Variants in TAFA5 observed in about 807,000 individuals in gnomAD.
TAFA5 encodes the protein chemokine-like protein TAFA-5.
In TAFA5, 6 loss-of-function variants were observed where a neutral mutation model predicts 15.3. That is an observed-to-expected ratio of 0.39 (90% confidence interval 0.21 to 0.77). TAFA5 has a LOEUF of 0.77. TAFA5 is among the 30% of genes least tolerant of loss of function. The pLI is 0.41. For synonymous variants in TAFA5, 103 were observed against 80.7 expected (o/e 1.28, Z -1.48); for missense variants, 161 against 193.1 (o/e 0.83, Z 0.98).
chr22:48,722,638 G>A (rs924578109), intron 3 of TAFA5, among the ~76,000 whole-genome samples: 2 of 152,028 alleles, frequency 1.3e-5, no homozygotes, highest in East Asian at 1.9e-4. Context: ...AAACCACCAC[G>A]GCACATGTAT....
chr22:48,750,917 C>T lies in TAFA5; in HGVS notation c.*1070C>T, dbSNP rs868670048. 2.4e-4 allele frequency: 37 copies of T among 152,436 alleles called. No individual in the cohort carries two copies. Among genetic ancestry groups the T allele is most frequent in the African/African-American group, 8.4e-4 (35 of 41,462 alleles). The allele number at this position is 152,436 out of a possible 1,614,324, so 9.4% of individuals were successfully genotyped here. ...GTCCCGGCCGTCCTGAGAGTCGGGC[C>T]GAGCCCCGTGTGTTTCTGAAGACTC... On this transcript the variant is annotated 3_prime_UTR_variant, in exon 4 of 4. Coordinates refer to ENST00000402357, the MANE Select transcript of TAFA5 (RefSeq NM_001082967.3).
chr22:48,532,544 TGGTGG>T (rs1181427645), intron 1 of TAFA5, among the ~76,000 whole-genome samples: 2 of 152,186 alleles, frequency 1.3e-5, no homozygotes, highest in Non-Finnish European at 2.9e-5. Flanking sequence ...GCACTGTCGC[TGGTGG>T]GGTTAGTGAG....
intron 1 of TAFA5, among the ~76,000 whole-genome samples, chr22:48,571,574 GTTTTTTTTTTTTTTTT>G (rs57578802): frequency 3.7e-3 from 107 of 29,242 alleles, no homozygotes; most frequent in African/African-American, 1.0e-2. Flanking sequence ...TGCCTGGCCT[GTTTTTTTTTTTTTTTT>G]TTTTTTTTTT....
intron 3 of TAFA5, among the ~76,000 whole-genome samples, chr22:48,735,910 GTCCATCCC>G (rs1569099064): frequency 6.0e-4 from 87 of 144,564 alleles, no homozygotes; most frequent in Non-Finnish European, 9.0e-4. Flanking sequence ...AGAGTCCAGA[GTCCATCCC>G]CCCAGGAGGA....
rs1338468836 is a variant in TAFA5 at position 48,751,552 on chromosome 22, GAAAATCCATTTATTT to G, written c.*1708_*1722del. The G allele has an allele frequency of 6.6e-6, 1 of 152,412 alleles. No individual in the cohort carries two copies. Among genetic ancestry groups the G allele is most frequent in the Non-Finnish European group, 1.5e-5 (1 of 68,040 alleles). The allele number at this position is 152,412 out of a possible 1,614,324, so 9.4% of individuals were successfully genotyped here. A position where few individuals can be genotyped will look rare whatever the true frequency, so the allele number is the denominator to read the frequency against. On this transcript the variant is annotated 3_prime_UTR_variant, in exon 4 of 4. Transcript: ENST00000402357. ...GCAACCATAGACTGAAGATACGAAA[GAAAATCCATTTATTT>G]AAGACCTGTTCCGGTATCCATGAGG...
chr22:48,656,061 G>C (rs5771684), intron 2 of TAFA5, among the ~76,000 whole-genome samples: 97,817 of 150,414 alleles, frequency 0.65, 32,520 homozygotes, highest in South Asian at 0.77. Flanking sequence ...CCAGGCTGGT[G>C]TTGAACTCCT....
intron 1 of TAFA5, among the ~76,000 whole-genome samples, chr22:48,531,564 T>C (rs1411781203): frequency 4.6e-5 from 7 of 152,160 alleles, no homozygotes; most frequent in Non-Finnish European, 1.5e-5. Flanking sequence ...GGCGTCAGGT[T>C]GGGGTAGCCG....
At chr22:48,637,296 G>T (rs910234073) in intron 1 of TAFA5, among the ~76,000 whole-genome samples, 2 of 151,484 alleles carry the variant, frequency 1.3e-5, no homozygotes, top group African/African-American at 2.4e-5. Context: ...CCTGTGAGGA[G>T]TGTGAGCTCA....
intron 1 of TAFA5, among the ~76,000 whole-genome samples, chr22:48,609,269 C>A (rs374523866): frequency 6.6e-6 from 1 of 152,208 alleles, no homozygotes; most frequent in Non-Finnish European, 1.5e-5. Flanking sequence ...ATCAAAGACA[C>A]GTTGGGGCAA....
At position 48,742,529 on chromosome 22, in the gene TAFA5, C is replaced by T. The variant is rs1036125086; in HGVS notation, c.391-7310C>T. ...CCCGGTGGCGTGGCAGACCAGGCGA[C>T]GTGGTGGACCCGGCCGCATGGTGGA... On this transcript the variant is annotated intron_variant, in intron 3 of 3. Transcript: ENST00000402357. The surrounding 1 kb of genome is among the most constrained non-coding windows in gnomAD (Gnocchi z 6.2). Among the ~76,000 whole-genome samples, 7 of 151,580 alleles carry T rather than the reference C, an allele frequency of 4.6e-5. No individual in the cohort carries two copies. The highest frequency in any genetic ancestry group is 1.3e-4 in the Admixed American group (2 of 15,230).
rs915939223 is a variant in TAFA5, at chr22:48,530,359, G to T, written c.112+40655G>T. On this transcript the variant is annotated intron_variant, in intron 1 of 3. Coordinates refer to ENST00000402357, the MANE Select transcript of TAFA5 (RefSeq NM_001082967.3). The surrounding 1 kb of genome is among the most constrained non-coding windows in gnomAD (Gnocchi z 6.0). Reference sequence around the variant, plus strand: ...TGAAGGAACCTCTGGAGGGCACAGGGGCCATCACCTGCTGGAGCCCAGAGA... The same window carrying T: ...TGAAGGAACCTCTGGAGGGCACAGGTGCCATCACCTGCTGGAGCCCAGAGA... Among the ~76,000 whole-genome samples the T allele has an allele frequency of 6.6e-6, 1 of 152,156 alleles. No individual in the cohort carries two copies. Among genetic ancestry groups the T allele is most frequent in the Non-Finnish European group, 1.5e-5 (1 of 68,024 alleles).
intron 1 of TAFA5, among the ~76,000 whole-genome samples, chr22:48,634,124 A>ACTCG (rs889672073): frequency 4.1e-4 from 54 of 131,164 alleles, no homozygotes; most frequent in Admixed American, 2.5e-3. Context: ...TCACTCGCTC[A>ACTCG]CTCACTCACT....
chr22:48,703,251 G>A (rs1928972906), intron 2 of TAFA5, among the ~76,000 whole-genome samples: 1 of 152,168 alleles, frequency 6.6e-6, no homozygotes, highest in Non-Finnish European at 1.5e-5. Context: ...TGTGTGTGGT[G>A]TGTGGCCAGG....
chr22:48,505,205 C>G (rs560232824), intron 1 of TAFA5, among the ~76,000 whole-genome samples: 1 of 152,326 alleles, frequency 6.6e-6, no homozygotes, highest in South Asian at 2.1e-4. Context: ...GAAACTCTCA[C>G]GACTCCATCT....
At position 48,490,010 on chromosome 22, in the gene TAFA5, C is replaced by T. The variant is rs1397423405; in HGVS notation, c.112+306C>T. 1.3e-5 allele frequency among the ~76,000 whole-genome samples: 2 copies of T among 151,928 alleles called. No individual in the cohort carries two copies. Among genetic ancestry groups the T allele is most frequent in the African/African-American group, 4.8e-5 (2 of 41,408 alleles). Reference sequence around the variant, plus strand: ...GCCCGTCCCTGCCCGGCGGTCGGAGCCCAGCCAGCGGCTTCCCGGCCGAGA... The same window carrying T: ...GCCCGTCCCTGCCCGGCGGTCGGAGTCCAGCCAGCGGCTTCCCGGCCGAGA... On this transcript the variant is annotated intron_variant, in intron 1 of 3. Transcript: ENST00000402357. This position sits in a 1 kb window ranked among gnomAD's most constrained non-coding sequence, Gnocchi z 5.8.
chr22:48,746,238 T>C (rs1220562347), intron 3 of TAFA5, among the ~76,000 whole-genome samples: 4 of 151,954 alleles, frequency 2.6e-5, no homozygotes, highest in Non-Finnish European at 4.4e-5. Flanking sequence ...ATTCTGGGCT[T>C]TCAGGCTGGC....
intron 2 of TAFA5, among the ~76,000 whole-genome samples, chr22:48,696,820 A>G (rs1353691673): frequency 6.6e-6 from 1 of 152,240 alleles, no homozygotes; most frequent in East Asian, 1.9e-4. Context: ...TGTGTGTGCA[A>G]GGCCTGGCCT....
chr22:48,569,204 G>A (rs891733386), intron 1 of TAFA5, among the ~76,000 whole-genome samples: 16 of 152,334 alleles, frequency 1.1e-4, no homozygotes, highest in African/African-American at 3.8e-4. Flanking sequence ...CTCAGAAGAG[G>A]GCAATCTCCG....
intron 2 of TAFA5, among the ~76,000 whole-genome samples, chr22:48,699,960 GA>G (rs1411110461): frequency 6.6e-6 from 1 of 152,132 alleles, no homozygotes; most frequent in African/African-American, 2.4e-5. Flanking sequence ...CTTCCTGTTG[GA>G]ATTTACACGG....
Sources: allele counts gnomAD v4.1 joint callset (sites outside exome capture counted in the v4.1 genomes callset), GRCh38; gene constraint gnomAD v4.1.1; non-coding constraint Gnocchi (gnomAD v3.1); transcripts MANE v1.5; gene names NCBI Gene and HGNC (gene_info 2026-07-23, HGNC 2026-07-21).